Variants in HTT observed in about 807,000 individuals in gnomAD.
HTT encodes the protein huntington disease protein.
HTT carries 104 observed loss-of-function variants against 362.3 expected under a neutral mutation model. That is an observed-to-expected ratio of 0.29 (90% CI 0.24 to 0.34). The LOEUF (loss-of-function observed/expected upper bound fraction) is 0.34. Ranked by LOEUF, HTT falls within the 10% of genes least tolerant of loss-of-function variation. The pLI, the probability that HTT is intolerant of heterozygous loss-of-function variation, is 1.00. For synonymous variants in HTT, 1,577 were observed against 1,548.7 expected (o/e 1.02, Z -0.43); for missense variants, 3,301 against 3,928.6 (o/e 0.84, Z 4.27).
chr4:3,167,000 G>T (rs1294473181), intron 29 of HTT, among the ~76,000 whole-genome samples: 1 of 152,248 alleles, frequency 6.6e-6, no homozygotes, highest in Non-Finnish European at 1.5e-5. Context: ...TGGAAATGCA[G>T]AAATCACCTG....
chr4:3,154,173 G>T, intron 26 of HTT, 120 bp from the exon 27 acceptor site: 1 of 770,512 alleles, frequency 1.3e-6, no homozygotes. Flanking sequence ...AACAAAATGA[G>T]TGACATGGGT....
In HTT at chr4:3,116,359, G is replaced by C. The variant is rs141142397; in HGVS notation, c.1068+96G>C. The C allele has an allele frequency of 1.4e-3, 1,551 of 1,094,622 alleles. 8 individuals carry two copies. Among genetic ancestry groups the C allele is most frequent in the Middle Eastern group, 5.5e-3 (24 of 4,370 alleles). 67.8% of individuals were successfully genotyped at this position (1,094,622 alleles called of 1,614,324 possible). On this transcript the variant is annotated intron_variant, in intron 8 of 66. Coordinates refer to ENST00000355072, the MANE Select transcript of HTT (RefSeq NM_001388492.1). ...AGAGAAGCGGCAGAACCGAGAGTTAGAGGTGTGGACTCTGGAGCTGCGCTG... is the reference window on the plus strand; with the variant it reads ...AGAGAAGCGGCAGAACCGAGAGTTACAGGTGTGGACTCTGGAGCTGCGCTG...
intron 29 of HTT, among the ~76,000 whole-genome samples, chr4:3,163,911 G>A (rs975725436): frequency 2.0e-5 from 3 of 150,992 alleles, no homozygotes; most frequent in South Asian, 2.1e-4. Flanking sequence ...GTTTTTTTTC[G>A]TGTCTCTATC....
At chr4:3,093,905 G>GTTTTTTT (rs67455911) in intron 2 of HTT, among the ~76,000 whole-genome samples, 1 of 23,898 alleles carries the variant, frequency 4.2e-5, no homozygotes. Context: ...CTTTAAGTTG[G>GTTTTTTT]TTTTTTTTTT....
At chr4:3,121,585 G>C in intron 9 of HTT, 153 bp downstream of exon 9, 1 of 596,394 alleles carries the variant, frequency 1.7e-6, no homozygotes, top group East Asian at 2.9e-5. Context: ...TTTATAAATA[G>C]GGGAGTTGGG....
At chr4:3,235,182 T>C (rs559626831) in intron 61 of HTT, 102 bp from the exon 62 acceptor site, 2 of 846,242 alleles carry the variant, frequency 2.4e-6, no homozygotes, top group East Asian at 4.9e-5. Context: ...GGAGCCCGCC[T>C]GGCCCATAGC....
chr4:3,129,966 G>A lies in HTT; in HGVS notation c.1786G>A (p.Gly596Arg). 2.5e-6 allele frequency: 4 copies of A among 1,613,936 alleles called. No individual in the cohort carries two copies. The highest frequency in any genetic ancestry group is 2.5e-6 in the Non-Finnish European group (3 of 1,179,858). Residue 596 changes from glycine (G) to arginine (R), a missense_variant, in exon 13 of 67, where the codon GGA becomes AGA. By Grantham distance (125) the Gly-to-Arg change is moderately radical (BLOSUM62 -2). Transcript: ENST00000355072. ...TDNQYLGLQI[G>R]QPQDEDEEAT... ...CAACCAGTATTTGGGCCTGCAGATT[G>A]GACAGCCCCAGGATGAAGATGAGGA... is the stretch of plus-strand genomic sequence containing the variant.
chr4:3,226,665 T>C (rs1419970526), intron 57 of HTT, among the ~76,000 whole-genome samples: 1 of 152,230 alleles, frequency 6.6e-6, no homozygotes, highest in African/African-American at 2.4e-5. Context: ...GTTCTCTTTG[T>C]AGCTTTTGTT....
chr4:3,135,594 T>G (rs1163213266), intron 19 of HTT, among the ~76,000 whole-genome samples: 1 of 152,172 alleles, frequency 6.6e-6, no homozygotes, highest in East Asian at 1.9e-4. Flanking sequence ...GATAGCAGGT[T>G]ATGGAGGGCC....
intron 21 of HTT, among the ~76,000 whole-genome samples, chr4:3,138,726 G>A (rs950432385): frequency 2.0e-5 from 3 of 151,958 alleles, no homozygotes; most frequent in South Asian, 2.1e-4. Flanking sequence ...TGATTCCCAC[G>A]TCAGCCTCCC....
Position 3,172,980 on chromosome 4 carries a change from C to T in HTT, c.4015C>T (p.Gln1339Ter), listed in dbSNP as rs1252676685. 6.2e-7 allele frequency: 1 copy of T among 1,614,126 alleles called. No individual in the cohort carries two copies. Among genetic ancestry groups the T allele is most frequent in the Non-Finnish European group, 8.5e-7 (1 of 1,180,056 alleles). Residue 1339 changes from glutamine to a stop codon, truncating the protein, a stop_gained, in exon 31 of 67, where the codon CAA (glutamine) becomes TAA (stop). Transcript: ENST00000355072. LOFTEE classifies it high-confidence loss of function. Reference sequence around the variant, plus strand: ...CTTATCTTCCAACCCCAGCAAGTCACAAGGCCGAGCACAGCGCCTTGGCTC... The same window carrying T: ...CTTATCTTCCAACCCCAGCAAGTCATAAGGCCGAGCACAGCGCCTTGGCTC... ...DGLSSNPSKS[Q>*]GRAQRLGSSS... is the part of the protein sequence containing the mutation.
At chr4:3,147,913 A>G (rs1716686694) in intron 25 of HTT, 92 bp from the exon 26 acceptor site, 2 of 998,812 alleles carry the variant, frequency 2.0e-6, no homozygotes, top group African/African-American at 1.6e-5. Context: ...GCCAACTCTC[A>G]ACATAGGGTC....
chr4:3,191,114 G>C (rs1718991261), intron 40 of HTT, among the ~76,000 whole-genome samples: 1 of 152,046 alleles, frequency 6.6e-6, no homozygotes, highest in African/African-American at 2.4e-5. Context: ...GGCTCTCTTG[G>C]GAACTAGATT....
At chr4:3,168,585 T>C (rs542001804) in intron 29 of HTT, among the ~76,000 whole-genome samples, 1 of 152,358 alleles carries the variant, frequency 6.6e-6, no homozygotes, top group Non-Finnish European at 1.5e-5. Flanking sequence ...ATAATTGAAA[T>C]GTATTATGCA....
chr4:3,124,074 G>A (rs1261442983), intron 10 of HTT, among the ~76,000 whole-genome samples: 1 of 152,124 alleles, frequency 6.6e-6, no homozygotes, highest in Non-Finnish European at 1.5e-5. Flanking sequence ...AAGAGAACTT[G>A]GAATCTATAA....
rs376822971 is a variant in HTT at position 3,213,422 on chromosome 4, T to C, written c.6775-536T>C. On this transcript the variant is annotated intron_variant, in intron 49 of 66. Coordinates refer to ENST00000355072, the MANE Select transcript of HTT (RefSeq NM_001388492.1). ...CTGCTGTATGCAGGATGAAATACTTTATATGCGTCATCTTATTTGACTCTC... is the reference window on the plus strand; with the variant it reads ...CTGCTGTATGCAGGATGAAATACTTCATATGCGTCATCTTATTTGACTCTC... 1.8e-4 allele frequency among the ~76,000 whole-genome samples: 27 copies of C among 152,352 alleles called. No homozygotes were observed. The East Asian group carries it at 3.5e-3, about 20-fold the overall frequency.
intron 1 of HTT, among the ~76,000 whole-genome samples, chr4:3,077,923 C>T (rs1712651552): frequency 6.6e-6 from 1 of 152,138 alleles, no homozygotes; most frequent in Admixed American, 6.6e-5. Context: ...CGTGCTTCAG[C>T]CAAAAAATCC....
intron 52 of HTT, among the ~76,000 whole-genome samples, chr4:3,219,774 T>G (rs188415131): frequency 4.8e-4 from 73 of 152,296 alleles, no homozygotes; most frequent in African/African-American, 1.7e-3. Context: ...TTTACAGAAA[T>G]AAGCTGTATG....
At chr4:3,153,378 A>G (rs1355937714) in intron 26 of HTT, among the ~76,000 whole-genome samples, 2 of 152,214 alleles carry the variant, frequency 1.3e-5, no homozygotes, top group Non-Finnish European at 2.9e-5. Context: ...GGAGTGAGTA[A>G]GTAGCAGAGC....
Sources: allele counts gnomAD v4.1 joint callset (sites outside exome capture counted in the v4.1 genomes callset), GRCh38; gene constraint gnomAD v4.1.1; transcripts MANE v1.5; gene names NCBI Gene and HGNC (gene_info 2026-07-23, HGNC 2026-07-21).